VIT: variants seen among roughly 807,000 people sequenced by gnomAD.
The protein encoded by VIT is vitrin.
A neutral mutation model predicts 78.0 loss-of-function variants in VIT; 99 were observed. That is an observed-to-expected ratio of 1.27 (90% CI 1.08 to 1.50). The LOEUF (loss-of-function observed/expected upper bound fraction) is 1.50, where lower values mean the gene tolerates loss of function less well. Among genes scored for constraint, VIT ranks in the 40% most tolerant of loss-of-function variants. The pLI, the probability that VIT is intolerant of heterozygous loss-of-function variation, is 0.00. For missense variants in VIT, 1,126 were observed against 875.3 expected, an observed-to-expected ratio of 1.29 and a Z score of -3.61; for synonymous variants, 374 against 334.3, an observed-to-expected ratio of 1.12 and a Z score of -1.29.
chr2:36,720,378 C>G (rs61495335), intron 2 of VIT, among the ~76,000 whole-genome samples: 18,098 of 152,104 alleles, frequency 0.12, 1,098 homozygotes, highest in Middle Eastern at 0.18. Flanking sequence ...GTGACAAGAA[C>G]ACACAATGGG....
chr2:36,713,353 G>A (rs1262040004), intron 1 of VIT, among the ~76,000 whole-genome samples: 1 of 152,204 alleles, frequency 6.6e-6, no homozygotes. Flanking sequence ...AGAGGCCGGT[G>A]TGGCTAAAGA....
intron 4 of VIT, among the ~76,000 whole-genome samples, chr2:36,748,685 G>A (rs978556515): frequency 6.6e-6 from 1 of 152,184 alleles, no homozygotes; most frequent in Non-Finnish European, 1.5e-5. Flanking sequence ...TCTGAATCTT[G>A]TTGAGCTTCT....
intron 4 of VIT, among the ~76,000 whole-genome samples, chr2:36,751,520 C>T (rs947930636): frequency 2.6e-5 from 4 of 152,154 alleles, no homozygotes; most frequent in African/African-American, 7.2e-5. Flanking sequence ...CACTGCTTAG[C>T]GTACAAAGTG....
intron 6 of VIT, among the ~76,000 whole-genome samples, chr2:36,763,454 T>A (rs577687199): frequency 6.6e-6 from 1 of 152,096 alleles, no homozygotes; most frequent in African/African-American, 2.4e-5. Context: ...ATTTTACTAG[T>A]TTTTTTTCAA....
intron 6 of VIT, among the ~76,000 whole-genome samples, chr2:36,763,447 T>C (rs1286539793): frequency 1.3e-5 from 2 of 152,190 alleles, no homozygotes; most frequent in East Asian, 1.9e-4. Context: ...AGAAACTATT[T>C]TACTAGTTTT....
chr2:36,726,658 A>C (rs1365944469), intron 2 of VIT, among the ~76,000 whole-genome samples: 1 of 152,060 alleles, frequency 6.6e-6, no homozygotes, highest in Non-Finnish European at 1.5e-5. Context: ...ATCTCTACTA[A>C]AAATACAAAA....
chr2:36,708,426 T>C lies in VIT; in HGVS notation c.-18-7927T>C, dbSNP rs1001283343. Among the ~76,000 whole-genome samples the C allele has an allele frequency of 2.1e-4, 32 of 152,208 alleles. 1 individual carries two copies. The highest frequency in any genetic ancestry group is 2.0e-3 in the Admixed American group (31 of 15,288). On this transcript the variant is annotated intron_variant, in intron 1 of 15. Coordinates refer to ENST00000379242, the MANE Select transcript of VIT (RefSeq NM_053276.4). ...ACAAACACCAACATTACATAAATCC[T>C]ACATGTCTGCTAGGGCAGATTTTTT...
chr2:36,767,721 T>C (rs979161600), intron 7 of VIT, among the ~76,000 whole-genome samples: 1 of 152,206 alleles, frequency 6.6e-6, no homozygotes, highest in East Asian at 1.9e-4. Context: ...TTTTTTGTCT[T>C]ACTACTTTTA....
In VIT at chr2:36,801,380, CA is replaced by C. The variant is rs1666313120; in HGVS notation, c.1139del (p.Gln380ArgfsTer8). ...GAAGACAGCCATAGAGAAAATTACT[CA>C]GAGAGGAGGACTTTCTAATGTAGGT... ...DLKTAIEKIT[Q>X]RGGLSNVGRA... On this transcript the variant is annotated frameshift_variant, in exon 13 of 16. Transcript: ENST00000379242. LOFTEE classifies it high-confidence loss of function. 6.2e-7 allele frequency: 1 copy of C among 1,613,636 alleles called. No individual in the cohort carries two copies. The highest frequency in any genetic ancestry group is 1.1e-5 in the South Asian group (1 of 91,074).
At chr2:36,774,760 T>C in intron 8 of VIT, 2 of 985,374 alleles carry the variant, frequency 2.0e-6, no homozygotes, top group Non-Finnish European at 2.4e-6. Flanking sequence ...AAGGCCATCT[T>C]AGGCCTCTAC....
At chr2:36,749,511 C>G (rs1668331705) in intron 4 of VIT, among the ~76,000 whole-genome samples, 1 of 152,220 alleles carries the variant, frequency 6.6e-6, no homozygotes, top group South Asian at 2.1e-4. Flanking sequence ...ATGTGCCAAG[C>G]ACTTTACCTT....
At chr2:36,795,153 C>T (rs1480390277) in intron 12 of VIT, among the ~76,000 whole-genome samples, 3 of 152,132 alleles carry the variant, frequency 2.0e-5, no homozygotes, top group African/African-American at 7.2e-5. Flanking sequence ...CAGTCAAATC[C>T]TCATGATCTC....
At position 36,773,784 on chromosome 2, in the gene VIT, C is replaced by A; in HGVS notation, c.680-7C>A. 1.3e-6 allele frequency: 2 copies of A among 1,588,544 alleles called. No homozygotes were observed. The highest frequency in any genetic ancestry group is 1.7e-6 in the Non-Finnish European group (2 of 1,165,454). On this transcript the variant is annotated splice_region_variant and splice_polypyrimidine_tract_variant and intron_variant, in intron 7 of 15. Transcript: ENST00000379242. ...TTCATGCTCTGACCAGTCAAATGTC[C>A]TTACAGATCTCTGGTCCACTGCCAC...
intron 15 of VIT, among the ~76,000 whole-genome samples, chr2:36,810,649 T>C (rs539916154): frequency 9.9e-5 from 15 of 151,860 alleles, no homozygotes; most frequent in African/African-American, 2.4e-4. Flanking sequence ...TTTTTTTTTT[T>C]CTGAGGCAGT....
intron 6 of VIT, among the ~76,000 whole-genome samples, chr2:36,762,515 C>T (rs954924828): frequency 4.6e-5 from 7 of 152,186 alleles, no homozygotes; most frequent in Non-Finnish European, 8.8e-5. Context: ...GAGCCTCTCT[C>T]TGTAAAGTCT....
At chr2:36,765,318 A>C (rs114050435) in intron 6 of VIT, among the ~76,000 whole-genome samples, 1 of 151,920 alleles carries the variant, frequency 6.6e-6, no homozygotes, top group Non-Finnish European at 1.5e-5. Context: ...AACAAAGGAG[A>C]TTTAGTTGAC....
chr2:36,805,406 C>T, intron 13 of VIT, 32 bp from the exon 14 acceptor site: 3 of 1,546,722 alleles, frequency 1.9e-6, no homozygotes, highest in Non-Finnish European at 2.6e-6. Flanking sequence ...TCAGCGTGAT[C>T]ACTCCAAGCA....
At position 36,814,784 on chromosome 2, in the gene VIT, A is replaced by G. The variant is rs182042100; in HGVS notation, c.*423A>G. On this transcript the variant is annotated 3_prime_UTR_variant, in exon 16 of 16. Transcript: ENST00000379242. ...ATTGCTGAATTAAATGTTTAGAAGG[A>G]TGACATGCAATGTTTCTGACTGTGT... is the stretch of plus-strand genomic sequence containing the variant. The G allele has an allele frequency of 6.3e-6, 1 of 159,352 alleles. No individual in the cohort carries two copies. Among genetic ancestry groups the G allele is most frequent in the Non-Finnish European group, 1.4e-5 (1 of 72,758 alleles). 9.9% of individuals were successfully genotyped at this position (159,352 alleles called of 1,614,324 possible).
chr2:36,765,384 G>A (rs988467630), intron 6 of VIT, among the ~76,000 whole-genome samples: 1 of 150,334 alleles, frequency 6.7e-6, no homozygotes, highest in East Asian at 2.0e-4. Context: ...TGGCAGAAGG[G>A]GAAGCAGGCA....
Sources: gnomAD v4.1 joint callset for allele counts (sites outside exome capture counted in the v4.1 genomes callset) on GRCh38, gnomAD v4.1.1 for gene constraint, MANE v1.5 for transcripts, NCBI Gene and HGNC (gene_info 2026-07-23, HGNC 2026-07-21) for gene names.